Variants in PRDM16 observed in about 807,000 individuals in gnomAD.
PRDM16 encodes the protein PR/SET domain 16.
PRDM16 carries 23 observed loss-of-function variants against 110.6 expected under a neutral mutation model. The ratio of observed to expected loss-of-function variants is 0.21; its 90% CI spans 0.15 to 0.29. The LOEUF is 0.29. Among genes scored for constraint, PRDM16 ranks in the 10% least tolerant of loss-of-function variants. The pLI is 1.00. For synonymous variants in PRDM16, 799 were observed against 781.8 expected (o/e 1.02, Z -0.37); for missense variants, 1,615 against 1,794.3 (o/e 0.90, Z 1.81).
intron 1 of PRDM16, among the ~76,000 whole-genome samples, chr1:3,129,192 G>GTGTGGATA (rs1425901895): frequency 6.6e-6 from 1 of 150,810 alleles, no homozygotes; most frequent in Non-Finnish European, 1.5e-5. Flanking sequence ...GTGTGTGGGT[G>GTGTGGATA]TGTGGATATG....
chr1:3,087,417 A>G (rs1642175325), intron 1 of PRDM16, among the ~76,000 whole-genome samples: 1 of 152,206 alleles, frequency 6.6e-6, no homozygotes, highest in Non-Finnish European at 1.5e-5. Context: ...GGAGTCCTGG[A>G]CGTCCCACTC....
At chr1:3,372,144 A>AC (rs1310173624) in intron 3 of PRDM16, among the ~76,000 whole-genome samples, 1 of 152,104 alleles carries the variant, frequency 6.6e-6, no homozygotes, top group Non-Finnish European at 1.5e-5. Flanking sequence ...TCATGCACAA[A>AC]CCCCTCAGGA....
At chr1:3,278,086 C>T (rs369877418) in intron 3 of PRDM16, among the ~76,000 whole-genome samples, 1 of 152,228 alleles carries the variant, frequency 6.6e-6, no homozygotes, top group East Asian at 1.9e-4. Flanking sequence ...AAGTCTGAGA[C>T]AGTGTGAAGG....
rs538423954 is a variant in PRDM16 at position 3,155,524 on chromosome 1, C to G, written c.38-30601C>G. Reference sequence around the variant, plus strand: ...TTCCCGAGGCACTTGCTCCTGCGACCAGCACCTTCCATCTGTTTTCCTTTT... The same window carrying G: ...TTCCCGAGGCACTTGCTCCTGCGACGAGCACCTTCCATCTGTTTTCCTTTT... On this transcript the variant is annotated intron_variant, in intron 1 of 16. Transcript: ENST00000270722. Among the ~76,000 whole-genome samples the G allele has an allele frequency of 3.3e-5, 5 of 152,356 alleles. No homozygotes were observed. In the East Asian group the frequency reaches 9.7e-4, roughly 29 times the overall value.
chr1:3,378,810 G>A (rs533654727), intron 3 of PRDM16, among the ~76,000 whole-genome samples: 6 of 152,126 alleles, frequency 3.9e-5, no homozygotes, highest in South Asian at 4.1e-4. Context: ...CCAGAACCAC[G>A]GCCCAGGGCC....
chr1:3,432,431 G>A lies in PRDM16; in HGVS notation c.3696+291G>A, dbSNP rs183614798. Among the ~76,000 whole-genome samples the A allele has an allele frequency of 3.9e-5, 6 of 152,350 alleles. No homozygotes were observed. In the East Asian group the frequency reaches 7.7e-4, roughly 20 times the overall value. ...GGTCCTCAGTGGGAAAGGTCTGTGA[G>A]CAGGTTTCTGGCCCGCCCAGCCGCC... On this transcript the variant is annotated intron_variant, in intron 16 of 16. Transcript: ENST00000270722.
At chr1:3,225,157 A>C (rs1639256589) in intron 2 of PRDM16, among the ~76,000 whole-genome samples, 2 of 133,834 alleles carry the variant, frequency 1.5e-5, no homozygotes, top group East Asian at 4.7e-4. Flanking sequence ...TTAGCTTGGA[A>C]GGAAAAAAAA....
intron 2 of PRDM16, among the ~76,000 whole-genome samples, chr1:3,235,956 A>G (rs958541255): frequency 2.0e-5 from 3 of 152,066 alleles, no homozygotes; most frequent in Non-Finnish European, 2.9e-5. Flanking sequence ...GGAGAATTCA[A>G]AGCTGTGGCT....
intron 3 of PRDM16, among the ~76,000 whole-genome samples, chr1:3,267,272 G>A (rs1640317030): frequency 1.3e-5 from 2 of 152,152 alleles, no homozygotes; most frequent in Non-Finnish European, 2.9e-5. Flanking sequence ...TGCAGCGTGT[G>A]GCTCTTATGG....
intron 3 of PRDM16, among the ~76,000 whole-genome samples, chr1:3,278,825 C>T (rs530411958): frequency 4.5e-4 from 68 of 152,334 alleles, no homozygotes; most frequent in Non-Finnish European, 8.7e-4. Flanking sequence ...TCAGAGGGGA[C>T]GGGGCAGCGG....
intron 1 of PRDM16, among the ~76,000 whole-genome samples, chr1:3,119,763 G>A (rs72846099): frequency 0.033 from 5,025 of 152,302 alleles, 247 homozygotes; most frequent in African/African-American, 0.11. Flanking sequence ...TCACGTAAGC[G>A]GTGGAGTTAA....
rs1257959659 is a variant in PRDM16, at chr1:3,209,049, A to G, written c.387+22575A>G. ...TTAACTCTCAAGGGTATTTAGGGAC[A>G]GAGAGCAGTGGGAATTCAGAAGGAG... On this transcript the variant is annotated intron_variant, in intron 2 of 16. Transcript: ENST00000270722. The surrounding 1 kb of genome is among the most constrained non-coding windows in gnomAD (Gnocchi z 4.6). Among the ~76,000 whole-genome samples, 1 of 152,232 alleles carries G rather than the reference A, an allele frequency of 6.6e-6. No homozygotes were observed. Among genetic ancestry groups the G allele is most frequent in the Non-Finnish European group, 1.5e-5 (1 of 68,046 alleles).
intron 3 of PRDM16, among the ~76,000 whole-genome samples, chr1:3,256,021 T>A (rs1388696078): frequency 1.3e-5 from 2 of 152,108 alleles, no homozygotes; most frequent in African/African-American, 4.8e-5. Flanking sequence ...TGTGGCACAG[T>A]GACAGCGCCT....
intron 3 of PRDM16, among the ~76,000 whole-genome samples, chr1:3,340,951 C>G (rs1039653559): frequency 1.7e-4 from 26 of 151,930 alleles, no homozygotes; most frequent in African/African-American, 6.3e-4. Context: ...GGGAGCATGG[C>G]CCCCGTGAGC....
chr1:3,079,985 G>C (rs961565343), intron 1 of PRDM16, among the ~76,000 whole-genome samples: 1 of 152,218 alleles, frequency 6.6e-6, no homozygotes, highest in South Asian at 2.1e-4. Flanking sequence ...TCAGTAGCGC[G>C]TGCCCACCCG....
intron 1 of PRDM16, among the ~76,000 whole-genome samples, chr1:3,176,517 C>G (rs911368054): frequency 6.6e-6 from 1 of 151,332 alleles, no homozygotes; most frequent in Admixed American, 6.6e-5. Context: ...CATTGATTCA[C>G]CCACCCATCC....
intron 3 of PRDM16, among the ~76,000 whole-genome samples, chr1:3,379,095 ACCCCTCCCGGT>A (rs1643047712): frequency 4.4e-5 from 1 of 22,976 alleles, no homozygotes; most frequent in Non-Finnish European, 8.3e-5. Context: ...CTCCCGGTGC[ACCCCTCCCGGT>A]GCACCCCCCC....
chr1:3,431,856 G>T, intron 15 of PRDM16, 110 bp from the exon 16 acceptor site: 1 of 1,074,644 alleles, frequency 9.3e-7, no homozygotes, highest in South Asian at 1.5e-5. Flanking sequence ...GTGGCTGGCA[G>T]AGATGCAGCG....
chr1:3,108,737 T>C (rs1414145798), intron 1 of PRDM16, among the ~76,000 whole-genome samples: 1 of 152,174 alleles, frequency 6.6e-6, no homozygotes, highest in Non-Finnish European at 1.5e-5. Context: ...TGGTGCCAGA[T>C]GTCTGTTCCC....
Sources: allele counts gnomAD v4.1 joint callset (sites outside exome capture counted in the v4.1 genomes callset), GRCh38; gene constraint gnomAD v4.1.1; non-coding constraint Gnocchi (gnomAD v3.1); transcripts MANE v1.5; gene names NCBI Gene and HGNC (gene_info 2026-07-23, HGNC 2026-07-21).